The following RAC1 variants were observed in gnomAD, a reference collection of about 807,000 sequenced individuals.
RAC1 encodes ras-related C3 botulinum toxin substrate 1.
RAC1 carries 2 observed loss-of-function variants against 25.2 expected under a neutral mutation model. The ratio of observed to expected loss-of-function variants is 0.08; its 90% confidence interval spans 0.03 to 0.25. RAC1 has a LOEUF of 0.25. Among genes scored for constraint, RAC1 ranks in the 10% least tolerant of loss-of-function variants. The pLI is 1.00. For missense variants in RAC1, 50 were observed against 235.7 expected, an observed-to-expected ratio of 0.21 and a Z score of 5.16; for synonymous variants, 88 against 94.0, an observed-to-expected ratio of 0.94 and a Z score of 0.37.
At chr7:6,383,141 A>T (rs1252950460) in intron 1 of RAC1, among the ~76,000 whole-genome samples, 1 of 152,188 alleles carries the variant, frequency 6.6e-6, no homozygotes, top group Non-Finnish European at 1.5e-5. Context: ...AATTCCAAAG[A>T]AGTAGTAACT....
chr7:6,397,183 G>A (rs1341677266), intron 3 of RAC1, among the ~76,000 whole-genome samples: 1 of 148,754 alleles, frequency 6.7e-6, no homozygotes, highest in South Asian at 2.1e-4. Context: ...GGAGCTTGCA[G>A]TGAGCCGAGA....
intron 1 of RAC1, among the ~76,000 whole-genome samples, chr7:6,382,475 C>T (rs1263966040): frequency 1.3e-5 from 2 of 152,060 alleles, no homozygotes; most frequent in African/African-American, 2.4e-5. Flanking sequence ...AAATTCCTAG[C>T]GTTTCTAGAT....
intron 2 of RAC1, among the ~76,000 whole-genome samples, chr7:6,391,095 G>A (rs757696126): frequency 6.6e-6 from 1 of 152,036 alleles, no homozygotes; most frequent in Non-Finnish European, 1.5e-5. Context: ...ACAAAGTTTC[G>A]TCATGTTGGC....
At position 6,374,700 on chromosome 7, in the gene RAC1, CCTG is replaced by C. The variant is rs1396490068; in HGVS notation, c.-34_-32del. 1 of 1,087,796 alleles carries C rather than the reference CCTG, an allele frequency of 9.2e-7. No individual in the cohort carries two copies. Among genetic ancestry groups the C allele is most frequent in the South Asian group, 4.0e-5 (1 of 25,264 alleles). 67.4% of individuals were successfully genotyped at this position (1,087,796 alleles called of 1,614,324 possible). On this transcript the variant is annotated 5_prime_UTR_variant, in exon 1 of 6. Coordinates refer to ENST00000348035, the MANE Select transcript of RAC1 (RefSeq NM_006908.5). The stretch of plus-strand genomic sequence containing the variant: ...AGCCCGCCGCTTCCTATCTCAGCGC[CCTG>C]CCGCCGCCGCCGCGGCCCAGCGAGC...
In RAC1 at chr7:6,402,023, G is replaced by C; in HGVS notation, c.444G>C (p.Glu148Asp). 1 of 1,613,192 alleles carries C rather than the reference G, an allele frequency of 6.2e-7. No individual in the cohort carries two copies. ...CGCAGGGTCTAGCCATGGCTAAGGA[G>C]ATTGGTATGGAATCCTGTGTTTTTC... ...TYPQGLAMAK[E>D]IGAVKYLECS... Residue 148 changes from glutamate to aspartate, a missense_variant, in exon 5 of 6, where the codon GAG (glutamate) becomes GAC (aspartate). Coordinates refer to ENST00000348035, the MANE Select transcript of RAC1 (RefSeq NM_006908.5).
At chr7:6,396,574 C>T (rs1290977670) in intron 3 of RAC1, among the ~76,000 whole-genome samples, 1 of 152,160 alleles carries the variant, frequency 6.6e-6, no homozygotes, top group African/African-American at 2.4e-5. Flanking sequence ...CGATCAGAGG[C>T]TCTTTGGAAG....
intron 1 of RAC1, among the ~76,000 whole-genome samples, chr7:6,382,479 T>C (rs35298646): frequency 0.023 from 3,476 of 152,300 alleles, 65 homozygotes; most frequent in Middle Eastern, 0.054. Flanking sequence ...TCCTAGCGTT[T>C]CTAGATTTGT....
In RAC1 at chr7:6,386,997, CTCTA is replaced by C. The variant is rs544768311; in HGVS notation, c.36-211_36-208del. 1.1e-3 allele frequency among the ~76,000 whole-genome samples: 172 copies of C among 152,034 alleles called. 1 individual carries two copies. The highest frequency in any genetic ancestry group is 3.9e-3 in the African/African-American group (161 of 41,476). ...CTAAACAGAATGTGATGGCTCCTGA[CTCTA>C]TCTTTCTGAGAAATTCTAGTTTGTT... is the stretch of plus-strand genomic sequence containing the variant. On this transcript the variant is annotated intron_variant, in intron 1 of 5. Transcript: ENST00000348035.
intron 1 of RAC1, among the ~76,000 whole-genome samples, chr7:6,381,731 A>G (rs1782771116): frequency 6.6e-6 from 1 of 152,058 alleles, no homozygotes; most frequent in South Asian, 2.1e-4. Flanking sequence ...GTGAAGTCAG[A>G]TATTGGTAGT....
intron 4 of RAC1, among the ~76,000 whole-genome samples, chr7:6,400,705 C>T (rs990148430): frequency 4.6e-5 from 7 of 151,372 alleles, no homozygotes; most frequent in Non-Finnish European, 1.0e-4. Flanking sequence ...GATGGAGTTT[C>T]ACTCTTGTTG....
Position 6,374,733 on chromosome 7 carries a change from C to T in RAC1, c.-3C>T. ...CGCCGCCGCGGCCCAGCGAGCGGCC[C>T]TGATGCAGGCCATCAAGTGTGTGGT... On this transcript the variant is annotated 5_prime_UTR_variant, in exon 1 of 6. Transcript: ENST00000348035. 1 of 1,137,334 alleles carries T rather than the reference C, an allele frequency of 8.8e-7. No individual in the cohort carries two copies. The highest frequency in any genetic ancestry group is 1.1e-6 in the Non-Finnish European group (1 of 920,392). The allele number at this position is 1,137,334 out of a possible 1,614,324, so 70.5% of individuals were successfully genotyped here. A position where few individuals can be genotyped will look rare whatever the true frequency, so the allele number is the denominator to read the frequency against.
At chr7:6,398,869 C>T (rs1783320404) in intron 3 of RAC1, 1 of 754,474 alleles carries the variant, frequency 1.3e-6, no homozygotes, top group Non-Finnish European at 2.2e-6. Flanking sequence ...ATGAAATAAA[C>T]TTCATTAGAG....
At chr7:6,377,306 T>C (rs1782635375) in intron 1 of RAC1, among the ~76,000 whole-genome samples, 1 of 152,028 alleles carries the variant, frequency 6.6e-6, no homozygotes, top group South Asian at 2.1e-4. Context: ...AGAAGTGAAA[T>C]GTACCTGGCC....
intron 2 of RAC1, among the ~76,000 whole-genome samples, chr7:6,390,096 C>CT (rs34547258): frequency 0.036 from 2,694 of 74,782 alleles, 193 homozygotes; most frequent in African/African-American, 0.1. Context: ...CCCTCCCTCC[C>CT]TTTTTTTTTT....
At chr7:6,386,056 C>T (rs940024044) in intron 1 of RAC1, among the ~76,000 whole-genome samples, 5 of 152,212 alleles carry the variant, frequency 3.3e-5, no homozygotes, top group Admixed American at 6.5e-5. Context: ...GGGAGACTTT[C>T]AGCCACCACT....
chr7:6,398,644 G>A (rs1783313943), intron 3 of RAC1: 1 of 1,612,070 alleles, frequency 6.2e-7, no homozygotes, highest in East Asian at 2.2e-5. Flanking sequence ...CTCAAACCAA[G>A]TTCTCATGCA....
At chr7:6,387,100 T>C (rs1782943908) in intron 1 of RAC1, 112 bp from the exon 2 acceptor site, 1 of 658,414 alleles carries the variant, frequency 1.5e-6, no homozygotes, top group Non-Finnish European at 2.6e-6. Context: ...TAATGCTAAG[T>C]ATGTGATGTA....
intron 2 of RAC1, chr7:6,391,473 G>A (rs1199596243): frequency 6.1e-6 from 1 of 162,612 alleles, no homozygotes; most frequent in African/African-American, 2.4e-5. Flanking sequence ...TATTTTGTGT[G>A]ACTGCTCTAC....
intron 2 of RAC1, chr7:6,391,711 C>G (rs1445243686): frequency 1.6e-5 from 9 of 546,034 alleles, no homozygotes; most frequent in Non-Finnish European, 2.8e-5. Context: ...TTGTTTGTTT[C>G]TTTCATTTCT....
Sources: allele counts gnomAD v4.1 joint callset (sites outside exome capture counted in the v4.1 genomes callset), GRCh38; gene constraint gnomAD v4.1.1; transcripts MANE v1.5; gene names NCBI Gene and HGNC (gene_info 2026-07-23, HGNC 2026-07-21).